Variants in CPN1 observed in about 807,000 individuals in gnomAD.
CPN1 encodes carboxypeptidase N subunit 1, also known as carboxypeptidase N catalytic chain.
Under a neutral mutation model 46.4 loss-of-function variants are expected in CPN1, and 37 were observed. That is an observed-to-expected ratio of 0.80 (90% CI 0.61 to 1.05). The LOEUF is 1.05. CPN1 is among the 50% of genes least tolerant of loss of function. CPN1 has a pLI of 0.00. For synonymous variants in CPN1, 224 were observed against 235.4 expected (o/e 0.95, Z 0.44); for missense variants, 563 against 602.6 (o/e 0.93, Z 0.69).
Position 100,042,278 on chromosome 10 carries a change from T to G in CPN1, c.*149A>C. The G allele has an allele frequency of 6.4e-6, 7 of 1,101,278 alleles. No homozygotes were observed. The highest frequency in any genetic ancestry group is 9.5e-6 in the Non-Finnish European group (7 of 738,606). 68.2% of individuals were successfully genotyped at this position (1,101,278 alleles called of 1,614,324 possible). A position where few individuals can be genotyped will look rare whatever the true frequency, so the allele number is the denominator to read the frequency against. The stretch of plus-strand genomic sequence containing the variant: ...TTTTTCATGATGACCTAGAGATGGC[T>G]TACCCCTGGAACAGATGGAGACCAT... On this transcript the variant is annotated 3_prime_UTR_variant, in exon 9 of 9. Coordinates refer to ENST00000370418, the MANE Select transcript of CPN1 (RefSeq NM_001308.3).
intron 3 of CPN1, 142 bp downstream of exon 3, chr10:100,069,572 A>C (rs1399846884): frequency 1.0e-6 from 1 of 959,552 alleles, no homozygotes; most frequent in East Asian, 2.4e-5. Context: ...AATATATATT[A>C]TTGCTCTAGA....
At position 100,048,806 on chromosome 10, in the gene CPN1, A is replaced by G. The variant is rs545323522; in HGVS notation, c.1182T>C (p.Tyr394=). The change falls in exon 8 of 9, where the codon TAT becomes TAC. Residue 394 remains tyrosine, a synonymous_variant. Transcript: ENST00000370418. ...IYTVSATAPG[Y]DPETVTVTVG... ...CGGTCACAGTTACTGTCTCTGGGTC[A>G]TACCCAGGTGCTGTGGCACTAACAG... is the stretch of plus-strand genomic sequence containing the variant. 47 of 1,613,896 alleles carry G rather than the reference A, an allele frequency of 2.9e-5. No individual in the cohort carries two copies. The South Asian group carries it at 4.7e-4, about 16-fold the overall frequency.
intron 2 of CPN1, among the ~76,000 whole-genome samples, chr10:100,071,618 A>G (rs972155707): frequency 2.0e-5 from 3 of 152,220 alleles, no homozygotes; most frequent in Non-Finnish European, 4.4e-5. Context: ...CATGGGTTCC[A>G]CATGTGTGGA....
At chr10:100,057,764 T>C (rs1462063417) in intron 5 of CPN1, among the ~76,000 whole-genome samples, 2 of 152,130 alleles carry the variant, frequency 1.3e-5, no homozygotes, top group African/African-American at 4.8e-5. Flanking sequence ...AGTTGGGTGA[T>C]GAGAAATAAC....
chr10:100,059,115 A>T (rs2041402113), intron 5 of CPN1, among the ~76,000 whole-genome samples: 1 of 152,186 alleles, frequency 6.6e-6, no homozygotes. Context: ...AAGCTTCATG[A>T]CATTGGATTT....
chr10:100,050,082 G>A (rs2041340835), intron 7 of CPN1, among the ~76,000 whole-genome samples: 1 of 152,192 alleles, frequency 6.6e-6, no homozygotes, highest in African/African-American at 2.4e-5. Context: ...GCCAGGTGCG[G>A]TGGCTCATGC....
chr10:100,042,823 G>A (rs556833137), intron 8 of CPN1, among the ~76,000 whole-genome samples: 2 of 131,954 alleles, frequency 1.5e-5, no homozygotes, highest in Admixed American at 1.5e-4. Flanking sequence ...GCTGGGTGTG[G>A]TGGCTCATGG....
intron 5 of CPN1, among the ~76,000 whole-genome samples, chr10:100,058,044 C>T (rs1428406408): frequency 6.6e-6 from 1 of 152,046 alleles, no homozygotes; most frequent in East Asian, 1.9e-4. Context: ...TTCTATTCTA[C>T]CTCTTGACCT....
At chr10:100,068,515 G>A (rs981565750) in intron 3 of CPN1, among the ~76,000 whole-genome samples, 5 of 151,042 alleles carry the variant, frequency 3.3e-5, no homozygotes, top group African/African-American at 9.7e-5. Context: ...GCCCAGTCCC[G>A]AAAACTAAGG....
Position 100,072,069 on chromosome 10 carries a change from G to C in CPN1, c.421-2200C>G, listed in dbSNP as rs946304521. Reference sequence around the variant, plus strand: ...TAATAATGCTGCTTTGAACATCCACGTACAAGTCTTTGTGTGGATGTATGT... The same window carrying C: ...TAATAATGCTGCTTTGAACATCCACCTACAAGTCTTTGTGTGGATGTATGT... On this transcript the variant is annotated intron_variant, in intron 2 of 8. Transcript: ENST00000370418. 4.6e-5 allele frequency among the ~76,000 whole-genome samples: 7 copies of C among 152,152 alleles called. No individual in the cohort carries two copies. The East Asian group carries it at 1.2e-3, about 25-fold the overall frequency.
chr10:100,056,351 C>A (rs559521138), intron 6 of CPN1, among the ~76,000 whole-genome samples: 1 of 152,280 alleles, frequency 6.6e-6, no homozygotes, highest in South Asian at 2.1e-4. Context: ...TTCTGTCCCT[C>A]ACCTCCTTGA....
chr10:100,044,797 G>A (rs1443061749), intron 8 of CPN1, among the ~76,000 whole-genome samples: 4 of 150,364 alleles, frequency 2.7e-5, no homozygotes, highest in African/African-American at 7.4e-5. Context: ...TGCAACCTCC[G>A]CCCCCTGGGT....
At chr10:100,068,179 G>A (rs1355518443) in intron 3 of CPN1, among the ~76,000 whole-genome samples, 2 of 149,694 alleles carry the variant, frequency 1.3e-5, no homozygotes, top group Non-Finnish European at 3.0e-5. Flanking sequence ...AGAAAGAAAG[G>A]GAAAAGAAAA....
intron 5 of CPN1, among the ~76,000 whole-genome samples, chr10:100,061,463 C>T (rs2041417191): frequency 6.6e-6 from 1 of 152,250 alleles, no homozygotes; most frequent in Non-Finnish European, 1.5e-5. Flanking sequence ...ATACAGCTTG[C>T]TGGGCTTCAC....
At chr10:100,055,775 C>T (rs1269024263) in intron 6 of CPN1, among the ~76,000 whole-genome samples, 13 of 152,212 alleles carry the variant, frequency 8.5e-5, no homozygotes, top group Admixed American at 7.9e-4. Flanking sequence ...CCGCCCGCCT[C>T]GGCCTCCCAA....
chr10:100,045,771 G>A (rs939020653), intron 8 of CPN1, among the ~76,000 whole-genome samples: 9 of 152,212 alleles, frequency 5.9e-5, no homozygotes, highest in African/African-American at 2.2e-4. Flanking sequence ...ATGCTGGAAA[G>A]CTCTCATATC....
intron 2 of CPN1, among the ~76,000 whole-genome samples, chr10:100,070,736 T>A (rs2041479405): frequency 6.6e-6 from 1 of 152,160 alleles, no homozygotes; most frequent in Non-Finnish European, 1.5e-5. Flanking sequence ...GAAGTTCTAA[T>A]AAGAGTAGGG....
At chr10:100,054,086 T>G (rs1202539831) in intron 7 of CPN1, among the ~76,000 whole-genome samples, 1 of 152,234 alleles carries the variant, frequency 6.6e-6, no homozygotes, top group Non-Finnish European at 1.5e-5. Context: ...TACATTTACA[T>G]CAGTCTTTCC....
At chr10:100,053,875 C>T (rs375459272) in intron 7 of CPN1, among the ~76,000 whole-genome samples, 3 of 152,172 alleles carry the variant, frequency 2.0e-5, no homozygotes, top group East Asian at 1.9e-4. Context: ...CCACAGTAAG[C>T]CTATGATGGA....
Sources: gnomAD v4.1 joint callset for allele counts (sites outside exome capture counted in the v4.1 genomes callset) on GRCh38, gnomAD v4.1.1 for gene constraint, MANE v1.5 for transcripts, NCBI Gene and HGNC (gene_info 2026-07-23, HGNC 2026-07-21) for gene names.